ABCC1: variants seen among roughly 807,000 people sequenced by gnomAD.
The protein encoded by ABCC1 is ATP binding cassette subfamily C member 1 (ABCC1 blood group).
ABCC1 carries 83 observed loss-of-function variants against 172.9 expected under a neutral mutation model. The ratio of observed to expected loss-of-function variants is 0.48; its 90% CI spans 0.40 to 0.58. The LOEUF is 0.58. Ranked by LOEUF, ABCC1 falls within the 20% of genes least tolerant of loss-of-function variation. The pLI is 0.00. For synonymous variants in ABCC1, 937 were observed against 825.2 expected (o/e 1.14, Z -2.32); for missense variants, 1,817 against 2,002.7 (o/e 0.91, Z 1.77).
intron 27 of ABCC1, 25 bp downstream of exon 27, chr16:16,131,960 T>A: frequency 6.2e-7 from 1 of 1,605,416 alleles, no homozygotes; most frequent in Non-Finnish European, 8.5e-7. Flanking sequence ...CCCCATTCCC[T>A]CACCCATTCC....
intron 5 of ABCC1, among the ~76,000 whole-genome samples, chr16:16,029,730 G>A (rs1394605722): frequency 1.3e-5 from 2 of 152,200 alleles, no homozygotes; most frequent in Non-Finnish European, 2.9e-5. Context: ...AACTGTAACT[G>A]TTGGGCTGCA....
chr16:15,986,861 A>G (rs2046756294), intron 1 of ABCC1, among the ~76,000 whole-genome samples: 1 of 152,186 alleles, frequency 6.6e-6, no homozygotes, highest in Admixed American at 6.5e-5. Context: ...GACACAATCA[A>G]TCATTTGGTT....
intron 1 of ABCC1, among the ~76,000 whole-genome samples, chr16:15,966,682 A>C (rs2046251584): frequency 7.1e-6 from 1 of 141,132 alleles, no homozygotes; most frequent in South Asian, 2.2e-4. Flanking sequence ...ACAGAGACTC[A>C]CTCTGTTGCC....
At chr16:16,013,528 T>C (rs954426061) in intron 3 of ABCC1, among the ~76,000 whole-genome samples, 1 of 151,770 alleles carries the variant, frequency 6.6e-6, no homozygotes, top group African/African-American at 2.4e-5. Flanking sequence ...CCCAAAGTGC[T>C]GGGATTACAG....
chr16:16,005,069 C>T (rs1360518144), intron 1 of ABCC1, among the ~76,000 whole-genome samples: 1 of 134,462 alleles, frequency 7.4e-6, no homozygotes, highest in Non-Finnish European at 1.6e-5. Flanking sequence ...TCATTTTTAA[C>T]TTTTTTTTTT....
chr16:16,011,245 G>GA (rs921034286), intron 3 of ABCC1, among the ~76,000 whole-genome samples: 33 of 144,074 alleles, frequency 2.3e-4, no homozygotes, highest in Admixed American at 6.3e-4. Flanking sequence ...AAAAGAAAAA[G>GA]AAAAAAAAAA....
At position 16,048,349 on chromosome 16, in the gene ABCC1, T is replaced by A. The variant is rs1452616505; in HGVS notation, c.1380+46T>A. The A allele has an allele frequency of 3.1e-6, 5 of 1,607,014 alleles. No individual in the cohort carries two copies. The African/African-American group carries it at 6.7e-5, about 21-fold the overall frequency. ...CCCTTTGCATGCAGGGAGGGACTTC[T>A]ACGTGTGGGCAGTGGGCCGAGGGAG... On this transcript the variant is annotated intron_variant, in intron 10 of 30. Transcript: ENST00000399410.
rs45612440 is a variant in ABCC1, at chr16:16,048,363, G to A, written c.1380+60G>A. The stretch of plus-strand genomic sequence containing the variant: ...GGAGGGACTTCTACGTGTGGGCAGT[G>A]GGCCGAGGGAGTGGGTGTTGATGGT... On this transcript the variant is annotated intron_variant, in intron 10 of 30. Coordinates refer to ENST00000399410, the MANE Select transcript of ABCC1 (RefSeq NM_004996.4). The A allele has an allele frequency of 2.2e-5, 35 of 1,592,230 alleles. No individual in the cohort carries two copies. In the East Asian group the frequency reaches 7.6e-4, roughly 35 times the overall value.
chr16:16,040,954 G>T (rs183567368), intron 7 of ABCC1, among the ~76,000 whole-genome samples: 33 of 152,018 alleles, frequency 2.2e-4, no homozygotes, highest in Middle Eastern at 3.4e-3. Context: ...TTGAGACAGG[G>T]TGTCACTCTT....
chr16:16,105,364 C>T (rs2052033362), intron 20 of ABCC1: 1 of 152,384 alleles, frequency 6.6e-6, no homozygotes, highest in Admixed American at 6.5e-5. Context: ...CAGTTGCTCC[C>T]TCTGCCACTC....
chr16:15,959,904 A>G (rs2046090708), intron 1 of ABCC1, among the ~76,000 whole-genome samples: 1 of 152,036 alleles, frequency 6.6e-6, no homozygotes, highest in South Asian at 2.1e-4. Flanking sequence ...AAACCTGTCT[A>G]GGGAGGGAGG....
intron 1 of ABCC1, among the ~76,000 whole-genome samples, chr16:15,985,067 C>T (rs2046713266): frequency 6.6e-6 from 1 of 152,150 alleles, no homozygotes; most frequent in Non-Finnish European, 1.5e-5. Context: ...CACGCCACTG[C>T]ACTCCAGCCT....
Position 16,114,948 on chromosome 16 carries a change from C to T in ABCC1, c.3262C>T (p.Pro1088Ser). 6.2e-7 allele frequency: 1 copy of T among 1,614,122 alleles called. No individual in the cohort carries two copies. Among genetic ancestry groups the T allele is most frequent in the African/African-American group, 1.3e-5 (1 of 75,050 alleles). Residue 1088 changes from proline to serine, a missense_variant, in exon 23 of 31, where the codon CCG becomes TCG. This residue lies in a region of ABCC1 where 1,412 missense variants were observed against 1,600.3 expected (regional missense o/e 0.88). Coordinates refer to ENST00000399410, the MANE Select transcript of ABCC1 (RefSeq NM_004996.4). ...GCTGGACACAGTGGACTCCATGATC[C>T]CGGAGGTCATCAAGATGTTCATGGG... ...KELDTVDSMI[P>S]EVIKMFMGSL... is the part of the protein sequence containing the mutation.
At chr16:16,091,177 C>A (rs1808757199) in intron 19 of ABCC1, among the ~76,000 whole-genome samples, 1 of 151,950 alleles carries the variant, frequency 6.6e-6, no homozygotes, top group South Asian at 2.1e-4. Context: ...ACTTGTAATC[C>A]CAACACATAG....
chr16:16,036,203 T>C (rs1235713642), intron 6 of ABCC1, among the ~76,000 whole-genome samples: 1 of 151,934 alleles, frequency 6.6e-6, no homozygotes, highest in Non-Finnish European at 1.5e-5. Context: ...CATCTTTTTT[T>C]CCCTAAGTCT....
chr16:15,983,973 C>G (rs2046687774), intron 1 of ABCC1, among the ~76,000 whole-genome samples: 1 of 152,158 alleles, frequency 6.6e-6, no homozygotes. Flanking sequence ...GGCCTTTTCC[C>G]TTGTTTTCTG....
chr16:16,097,612 TAGG>T (rs2051539417), intron 19 of ABCC1, among the ~76,000 whole-genome samples: 1 of 152,160 alleles, frequency 6.6e-6, no homozygotes, highest in South Asian at 2.1e-4. Context: ...TAGGAGAAAA[TAGG>T]AGTGGATTTC....
At chr16:16,044,746 C>A in intron 8 of ABCC1, 66 bp downstream of exon 8, 3 of 1,428,334 alleles carry the variant, frequency 2.1e-6, no homozygotes, top group East Asian at 2.3e-5. Context: ...TCAGTTGCAT[C>A]AGTCATAACC....
chr16:16,119,369 AG>A (rs2045050513), intron 23 of ABCC1, among the ~76,000 whole-genome samples: 1 of 152,266 alleles, frequency 6.6e-6, no homozygotes, highest in East Asian at 1.9e-4. Flanking sequence ...TGAGCCTCGG[AG>A]GCGGAGGTTG....
Sources: gnomAD v4.1 joint callset for allele counts (sites outside exome capture counted in the v4.1 genomes callset) on GRCh38, gnomAD v4.1.1 for gene constraint, gnomAD v4.1.1 regional missense constraint, MANE v1.5 for transcripts, NCBI Gene and HGNC (gene_info 2026-07-23, HGNC 2026-07-21) for gene names.